The following C11orf65 variants were observed in gnomAD, a reference collection of about 807,000 sequenced individuals.
C11orf65 encodes protein MFI.
In C11orf65, 38 loss-of-function variants were observed where a neutral mutation model predicts 35.3. The ratio of observed to expected loss-of-function variants is 1.08; its 90% confidence interval spans 0.83 to 1.41. The LOEUF (loss-of-function observed/expected upper bound fraction) is 1.41, where lower values mean the gene tolerates loss of function less well. Among genes scored for constraint, C11orf65 ranks in the 40% most tolerant of loss-of-function variants. The pLI is 0.00. For synonymous variants in C11orf65, 105 were observed against 114.4 expected, an observed-to-expected ratio of 0.92 and a Z score of 0.53; for missense variants, 370 against 367.1, an observed-to-expected ratio of 1.01 and a Z score of -0.06.
chr11:108,398,885 G>A lies in C11orf65; in HGVS notation c.561-5507C>T, dbSNP rs77672170. ...GGCAGAGAAATAAAATTAATATCCA[G>A]AATATTTGTCTATCACTGTGAGGAC... On this transcript the variant is annotated intron_variant, in intron 6 of 8. Coordinates refer to ENST00000393084, the MANE Select transcript of C11orf65 (RefSeq NM_152587.5). Among the ~76,000 whole-genome samples the A allele has an allele frequency of 5.9e-3, 894 of 152,334 alleles. 9 individuals are homozygous for A. The highest frequency in any genetic ancestry group is 0.017 in the African/African-American group (727 of 41,570).
intron 2 of C11orf65, among the ~76,000 whole-genome samples, chr11:108,369,332 G>C (rs955641786): frequency 6.6e-6 from 1 of 152,016 alleles, no homozygotes. Context: ...TTTCTTAGTC[G>C]CCTCCTGACG....
intron 6 of C11orf65, among the ~76,000 whole-genome samples, chr11:108,320,390 C>T (rs1446101147): frequency 2.0e-5 from 3 of 152,010 alleles, no homozygotes; most frequent in South Asian, 2.1e-4. Context: ...TTGTAACTCA[C>T]GGTTAATACT....
intron 2 of C11orf65, among the ~76,000 whole-genome samples, chr11:108,437,636 A>C (rs1433574852): frequency 3.6e-5 from 5 of 137,660 alleles, no homozygotes; most frequent in African/African-American, 5.4e-5. Flanking sequence ...TCCGGGAGGC[A>C]GAGGCAGAGG....
chr11:108,350,876 T>G (rs935270234), intron 2 of C11orf65, among the ~76,000 whole-genome samples: 1 of 152,204 alleles, frequency 6.6e-6, no homozygotes, highest in Non-Finnish European at 1.5e-5. Flanking sequence ...GAATATTGTT[T>G]GGCATTATCC....
chr11:108,458,032 T>C (rs1436906268), intron 2 of C11orf65, among the ~76,000 whole-genome samples: 1 of 152,160 alleles, frequency 6.6e-6, no homozygotes, highest in African/African-American at 2.4e-5. Context: ...TAACCTCTTT[T>C]TTCTAAATCC....
chr11:108,310,026 T>C, intron 6 of C11orf65: 1 of 823,650 alleles, frequency 1.2e-6, no homozygotes, highest in Non-Finnish European at 1.9e-6. Flanking sequence ...AGGTATATAT[T>C]GGGGAAATGT....
At chr11:108,388,976 T>C (rs1161637945) in intron 7 of C11orf65, among the ~76,000 whole-genome samples, 1 of 152,242 alleles carries the variant, frequency 6.6e-6, no homozygotes, top group Non-Finnish European at 1.5e-5. Flanking sequence ...AAGATGGACA[T>C]GGTTTCATCT....
At chr11:108,346,931 A>G (rs2088493244) in intron 2 of C11orf65, among the ~76,000 whole-genome samples, 1 of 152,188 alleles carries the variant, frequency 6.6e-6, no homozygotes, top group Non-Finnish European at 1.5e-5. Context: ...ATGTTCAATA[A>G]AAATTTGAGT....
chr11:108,357,304 A>G (rs1245788503), intron 2 of C11orf65, among the ~76,000 whole-genome samples: 4 of 152,154 alleles, frequency 2.6e-5, no homozygotes, highest in Non-Finnish European at 4.4e-5. Flanking sequence ...ACGCCCACGG[A>G]GTCTCGCTGA....
rs10588668 is a variant in C11orf65, at chr11:108,430,897, AACACACACACACACACACAC to A, written c.174+829_174+848del. On this transcript the variant is annotated intron_variant, in intron 3 of 8. Coordinates refer to ENST00000393084, the MANE Select transcript of C11orf65 (RefSeq NM_152587.5). Reference sequence around the variant, plus strand: ...AAACCCAAAACCCATAAGGATAGGGAACACACACACACACACACACACACACACACACACACACACACACA... The same window carrying A: ...AAACCCAAAACCCATAAGGATAGGGAACACACACACACACACACACACACA... 4.9e-5 allele frequency among the ~76,000 whole-genome samples: 7 copies of A among 143,912 alleles called. No homozygotes were observed. In the South Asian group the frequency reaches 1.2e-3, roughly 24 times the overall value. 94.4% of individuals were successfully genotyped at this position (143,912 alleles called of 152,430 possible).
rs571019161 is a variant in C11orf65 at position 108,375,963 on chromosome 11, C to A, written c.226+17245G>T. 2.4e-4 allele frequency among the ~76,000 whole-genome samples: 37 copies of A among 152,298 alleles called. 1 individual carries two copies. Among genetic ancestry groups the A allele is most frequent in the African/African-American group, 8.4e-4 (35 of 41,550 alleles). On this transcript the variant is annotated intron_variant, in intron 2 of 3. Transcript: ENST00000524755. Reference sequence around the variant, plus strand: ...ATCCTACATATATATGCAACCAATACAGGAGCACCCAGATTCATAAAGCAA... The same window carrying A: ...ATCCTACATATATATGCAACCAATAAAGGAGCACCCAGATTCATAAAGCAA...
intron 6 of C11orf65, chr11:108,317,289 A>G (rs1307716440): frequency 4.2e-6 from 6 of 1,427,600 alleles, no homozygotes; most frequent in South Asian, 2.4e-5. Context: ...GTCTAAGTTA[A>G]TTTGTATCTT....
downstream of C11orf65, chr11:108,328,952 A>AT: frequency 6.9e-7 from 1 of 1,456,976 alleles, no homozygotes; most frequent in Non-Finnish European, 9.5e-7. Context: ...TATTACCTTA[A>AT]TTTGAGTGAT....
chr11:108,345,007 C>CAA (rs920422184), intron 2 of C11orf65, among the ~76,000 whole-genome samples: 1 of 142,908 alleles, frequency 7.0e-6, no homozygotes. Context: ...ACCCTGTCTC[C>CAA]AAAAAAAAAA....
At chr11:108,452,208 G>A (rs768506688) in intron 2 of C11orf65, among the ~76,000 whole-genome samples, 7 of 152,098 alleles carry the variant, frequency 4.6e-5, no homozygotes, top group South Asian at 2.1e-4. Flanking sequence ...TACCATCAGA[G>A]TGAACAGGCA....
intron 2 of C11orf65, among the ~76,000 whole-genome samples, chr11:108,375,998 G>A (rs1001684959): frequency 6.6e-6 from 1 of 152,116 alleles, no homozygotes; most frequent in Non-Finnish European, 1.5e-5. Context: ...AGTCCTGAGT[G>A]ACCTACAAAG....
intron 6 of C11orf65, among the ~76,000 whole-genome samples, chr11:108,311,786 G>A (rs1028044926): frequency 5.9e-5 from 9 of 152,006 alleles, no homozygotes; most frequent in Non-Finnish European, 1.0e-4. Flanking sequence ...TTTATTTTAT[G>A]TACTAGATTA....
rs200190537 is a variant in C11orf65 at position 108,347,374 on chromosome 11, T to G, written c.227-12082A>C. ...TGTACATATAGATCTAGGTAAGTAATAAAATCTATGTATCTATTCTTTTTA... is the reference window on the plus strand; with the variant it reads ...TGTACATATAGATCTAGGTAAGTAAGAAAATCTATGTATCTATTCTTTTTA... On this transcript the variant is annotated intron_variant, in intron 2 of 3. Transcript: ENST00000524755. The G allele has an allele frequency of 1.9e-4, 300 of 1,561,712 alleles. No homozygotes were observed. The highest frequency in any genetic ancestry group is 2.4e-4 in the Non-Finnish European group (272 of 1,133,172).
intron 2 of C11orf65, among the ~76,000 whole-genome samples, chr11:108,453,206 C>G (rs2093373352): frequency 8.4e-6 from 1 of 118,706 alleles, no homozygotes; most frequent in Admixed American, 8.1e-5. Context: ...CTCCTGTCAA[C>G]AGGAGAAATA....
Sources: allele counts gnomAD v4.1 joint callset (sites outside exome capture counted in the v4.1 genomes callset), GRCh38; gene constraint gnomAD v4.1.1; transcripts MANE v1.5; gene names NCBI Gene and HGNC (gene_info 2026-07-23, HGNC 2026-07-21).